The following ASTN1 variants were observed in gnomAD, a reference collection of about 807,000 sequenced individuals.
The protein encoded by ASTN1 is astrotactin 1, also known as astrotactin-1.
A neutral mutation model predicts 140.7 loss-of-function variants in ASTN1; 41 were observed. That is an observed-to-expected ratio of 0.29 (90% CI 0.23 to 0.38). ASTN1 has a LOEUF of 0.38. ASTN1 is among the 10% of genes least tolerant of loss of function. ASTN1 has a pLI of 1.00. For synonymous variants in ASTN1, 640 were observed against 652.2 expected (o/e 0.98, Z 0.29); for missense variants, 1,479 against 1,678.8 (o/e 0.88, Z 2.08).
chr1:176,978,050 C>T (rs1322306699), intron 8 of ASTN1, among the ~76,000 whole-genome samples: 6 of 152,140 alleles, frequency 3.9e-5, no homozygotes, highest in African/African-American at 1.4e-4. Flanking sequence ...TTTAGATAAG[C>T]TTTAAGCTTC....
chr1:177,164,199 T>C (rs186206304), intron 1 of ASTN1, among the ~76,000 whole-genome samples, 195 bp downstream of exon 1: 1 of 151,820 alleles, frequency 6.6e-6, no homozygotes, highest in East Asian at 1.9e-4. Context: ...CAGGTCGGAT[T>C]TGGGGAGAAG....
intron 2 of ASTN1, among the ~76,000 whole-genome samples, chr1:177,044,415 C>T (rs756027929): frequency 6.6e-6 from 1 of 152,038 alleles, no homozygotes; most frequent in African/African-American, 2.4e-5. Flanking sequence ...GTTACTTAGG[C>T]CTGATTTCTT....
At chr1:176,988,456 A>C (rs1286209076) in intron 8 of ASTN1, among the ~76,000 whole-genome samples, 1 of 152,110 alleles carries the variant, frequency 6.6e-6, no homozygotes, top group Non-Finnish European at 1.5e-5. Flanking sequence ...GAAAAAATGA[A>C]CTCTTATCCC....
chr1:177,153,958 C>G (rs1469333526), intron 1 of ASTN1, among the ~76,000 whole-genome samples: 1 of 152,014 alleles, frequency 6.6e-6, no homozygotes, highest in African/African-American at 2.4e-5. Context: ...GATTTAGGAA[C>G]CCTCAAATAT....
At position 176,864,408 on chromosome 1, in the gene ASTN1, C is replaced by T. The variant is rs1668064962; in HGVS notation, c.3761G>A (p.Arg1254His). 5 of 1,614,086 alleles carry T rather than the reference C, an allele frequency of 3.1e-6. No homozygotes were observed. Among genetic ancestry groups the T allele is most frequent in the South Asian group, 1.1e-5 (1 of 91,078 alleles). ...RRSSLKYLGC[R>H]YSEIKPYGLD... is the part of the protein sequence containing the mutation. Reference sequence around the variant, plus strand: ...TCCGTAGGGTTTGATCTCGCTGTAGCGGCACCCCAGGTACTTGAGTGAGCT... The same window carrying T: ...TCCGTAGGGTTTGATCTCGCTGTAGTGGCACCCCAGGTACTTGAGTGAGCT... Residue 1254 changes from arginine to histidine, a missense_variant, in exon 23 of 23, where the codon CGC becomes CAC. Coordinates refer to ENST00000361833, the MANE Select transcript of ASTN1 (RefSeq NM_004319.3).
chr1:177,143,948 T>G (rs532375872), intron 1 of ASTN1, among the ~76,000 whole-genome samples: 3 of 152,242 alleles, frequency 2.0e-5, no homozygotes, highest in Admixed American at 1.3e-4. Context: ...AACTTTTACA[T>G]AAGCCTAATA....
At chr1:177,117,823 C>G (rs1208723343) in intron 1 of ASTN1, among the ~76,000 whole-genome samples, 2 of 152,158 alleles carry the variant, frequency 1.3e-5, no homozygotes. Context: ...ACTAAAATAT[C>G]AATCACCCTT....
intron 18 of ASTN1, among the ~76,000 whole-genome samples, chr1:176,887,459 C>G (rs2103031148): frequency 6.6e-6 from 1 of 152,292 alleles, no homozygotes; most frequent in Non-Finnish European, 1.5e-5. Flanking sequence ...GTCACCAAGC[C>G]CTGTTGGTTC....
chr1:176,887,903 T>C (rs531212579), intron 18 of ASTN1, among the ~76,000 whole-genome samples, 168 bp downstream of exon 18: 52 of 152,316 alleles, frequency 3.4e-4, no homozygotes, highest in African/African-American at 1.2e-3. Flanking sequence ...ACCCTTTCTC[T>C]ACTAAAACCA....
chr1:177,142,013 T>C (rs1051168949), intron 1 of ASTN1, among the ~76,000 whole-genome samples: 2 of 152,178 alleles, frequency 1.3e-5, no homozygotes, highest in African/African-American at 4.8e-5. Flanking sequence ...CCCAATTTAC[T>C]GGATGCCCTT....
At chr1:176,932,070 G>C (rs1195320848) in intron 16 of ASTN1, among the ~76,000 whole-genome samples, 5 of 152,180 alleles carry the variant, frequency 3.3e-5, no homozygotes, top group African/African-American at 1.2e-4. Context: ...CTTAAGTCCT[G>C]TGCTTTTTCC....
At chr1:177,085,227 G>T (rs1367738187) in intron 1 of ASTN1, among the ~76,000 whole-genome samples, 1 of 152,028 alleles carries the variant, frequency 6.6e-6, no homozygotes, top group Non-Finnish European at 1.5e-5. Context: ...TAGCTTTTCT[G>T]GACCCTAGTT....
chr1:177,077,763 C>T (rs905468706), intron 1 of ASTN1, among the ~76,000 whole-genome samples: 1 of 152,154 alleles, frequency 6.6e-6, no homozygotes, highest in Non-Finnish European at 1.5e-5. Context: ...CTGGGGTAAG[C>T]TGCCTCCTCC....
chr1:177,009,043 C>T (rs943967733), intron 8 of ASTN1, among the ~76,000 whole-genome samples: 1 of 152,154 alleles, frequency 6.6e-6, no homozygotes, highest in Non-Finnish European at 1.5e-5. Context: ...TCTGACCCCA[C>T]CTGAGTCACC....
chr1:176,888,737 T>C (rs1169635815), intron 17 of ASTN1, among the ~76,000 whole-genome samples: 4 of 152,198 alleles, frequency 2.6e-5, no homozygotes, highest in Non-Finnish European at 5.9e-5. Flanking sequence ...CATTTCTTTC[T>C]TAGTAAATCA....
At position 177,064,694 on chromosome 1, in the gene ASTN1, G is replaced by A. The variant is rs138677604; in HGVS notation, c.284-3429C>T. Among the ~76,000 whole-genome samples, 512 of 152,336 alleles carry A rather than the reference G, an allele frequency of 3.4e-3. 2 individuals carry two copies. The highest frequency in any genetic ancestry group is 8.3e-3 in the African/African-American group (347 of 41,574). On this transcript the variant is annotated intron_variant, in intron 1 of 22. Coordinates refer to ENST00000361833, the MANE Select transcript of ASTN1 (RefSeq NM_004319.3). ...GACTAGACTCACCATAGAGGGCAAA[G>A]GATGGAAGGAAGAGGGCACCATGCC...
At chr1:176,943,713 A>C (rs1170808880) in intron 14 of ASTN1, among the ~76,000 whole-genome samples, 178 bp downstream of exon 14, 1 of 152,230 alleles carries the variant, frequency 6.6e-6, no homozygotes, top group Non-Finnish European at 1.5e-5. Flanking sequence ...TGATAATATC[A>C]ACAATTTTAT....
intron 17 of ASTN1, among the ~76,000 whole-genome samples, chr1:176,893,464 C>T (rs1207914646): frequency 6.6e-6 from 1 of 152,202 alleles, no homozygotes; most frequent in Non-Finnish European, 1.5e-5. Context: ...GTGTAGGCCA[C>T]GAGAACAATT....
chr1:176,985,492 TCAAA>T (rs1186177861), intron 8 of ASTN1, among the ~76,000 whole-genome samples: 3 of 152,256 alleles, frequency 2.0e-5, no homozygotes, highest in East Asian at 1.9e-4. Flanking sequence ...ATGGAGCCAA[TCAAA>T]CAAAGACTCC....
Sources: gnomAD v4.1 joint callset for allele counts (sites outside exome capture counted in the v4.1 genomes callset) on GRCh38, gnomAD v4.1.1 for gene constraint, MANE v1.5 for transcripts, NCBI Gene and HGNC (gene_info 2026-07-23, HGNC 2026-07-21) for gene names.